APBB2: variants seen among roughly 807,000 people sequenced by gnomAD.
APBB2 encodes the protein Fe65-like 1.
Under a neutral mutation model 82.5 loss-of-function variants are expected in APBB2, and 38 were observed. That is an observed-to-expected ratio of 0.46 (90% CI 0.36 to 0.60). The LOEUF (loss-of-function observed/expected upper bound fraction) is 0.60. Among genes scored for constraint, APBB2 ranks in the 20% least tolerant of loss-of-function variants. The probability of loss-of-function intolerance (pLI) is 0.00; values close to 1 mark genes in which losing one functional copy is unlikely to be tolerated. For missense variants in APBB2, 772 were observed against 972.3 expected, an observed-to-expected ratio of 0.79 and a Z score of 2.74; for synonymous variants, 341 against 368.2, an observed-to-expected ratio of 0.93 and a Z score of 0.85.
At chr4:40,873,911 T>C (rs1766193629) in intron 12 of APBB2, among the ~76,000 whole-genome samples, 1 of 152,220 alleles carries the variant, frequency 6.6e-6, no homozygotes, top group Non-Finnish European at 1.5e-5. Flanking sequence ...CTGTATTTTA[T>C]ACACTCATTG....
intron 3 of APBB2, among the ~76,000 whole-genome samples, chr4:41,089,968 AGCTT>A (rs1053778535): frequency 2.0e-5 from 3 of 152,202 alleles, no homozygotes; most frequent in Non-Finnish European, 4.4e-5. Flanking sequence ...ACGAAACACT[AGCTT>A]GTTTCTTCAA....
chr4:41,175,441 TTTTG>T (rs1167253782), intron 1 of APBB2, among the ~76,000 whole-genome samples: 2 of 152,298 alleles, frequency 1.3e-5, no homozygotes, highest in African/African-American at 2.4e-5. Flanking sequence ...AAGGCTTGTA[TTTTG>T]TTTGTTTGTT....
intron 6 of APBB2, among the ~76,000 whole-genome samples, chr4:40,974,893 A>T (rs1461669610): frequency 6.6e-6 from 1 of 152,240 alleles, no homozygotes; most frequent in Non-Finnish European, 1.5e-5. Flanking sequence ...TCTCTGCTTT[A>T]TTAAAAAAAG....
intron 1 of APBB2, among the ~76,000 whole-genome samples, chr4:41,196,368 G>A: frequency 6.6e-6 from 1 of 152,148 alleles, no homozygotes; most frequent in Non-Finnish European, 1.5e-5. Flanking sequence ...AGCACCTAGT[G>A]GGTACTCAAT....
chr4:41,128,906 C>T (rs887932947), intron 2 of APBB2, among the ~76,000 whole-genome samples: 3 of 152,184 alleles, frequency 2.0e-5, no homozygotes, highest in Non-Finnish European at 4.4e-5. Context: ...TTTCCAGCCC[C>T]TTGCATCCTT....
intron 10 of APBB2, among the ~76,000 whole-genome samples, chr4:40,926,940 G>GGC (rs1782761159): frequency 6.6e-6 from 1 of 152,166 alleles, no homozygotes; most frequent in South Asian, 2.1e-4. Flanking sequence ...CAGAGGGGAG[G>GGC]GCACACACAC....
At chr4:40,844,751 C>T (rs1473661114) in intron 12 of APBB2, among the ~76,000 whole-genome samples, 1 of 152,228 alleles carries the variant, frequency 6.6e-6, no homozygotes, top group Admixed American at 6.5e-5. Flanking sequence ...AGTCACACAA[C>T]CTCCCTAATT....
intron 10 of APBB2, among the ~76,000 whole-genome samples, chr4:40,918,273 C>A (rs1213029303): frequency 6.6e-6 from 1 of 152,220 alleles, no homozygotes; most frequent in East Asian, 1.9e-4. Flanking sequence ...CTCATCTCTA[C>A]AGACATCTTT....
intron 12 of APBB2, among the ~76,000 whole-genome samples, chr4:40,854,790 CAAAAAAAAAAA>C (rs80240731): frequency 8.0e-6 from 1 of 124,822 alleles, no homozygotes; most frequent in Admixed American, 8.1e-5. Context: ...AGTCCATCTC[CAAAAAAAAAAA>C]AAAAAAAAGA....
chr4:41,003,079 A>T (rs533518725), intron 6 of APBB2, among the ~76,000 whole-genome samples: 1 of 152,288 alleles, frequency 6.6e-6, no homozygotes, highest in East Asian at 1.9e-4. Flanking sequence ...CCATACTACT[A>T]AATATTAAGC....
chr4:40,845,243 C>T (rs572151784), intron 12 of APBB2, among the ~76,000 whole-genome samples: 7 of 152,318 alleles, frequency 4.6e-5, no homozygotes, highest in East Asian at 1.9e-4. Context: ...GTGCCAGCAG[C>T]TCCACCAATT....
At chr4:40,840,935 T>C (rs1755589816) in intron 12 of APBB2, among the ~76,000 whole-genome samples, 1 of 152,182 alleles carries the variant, frequency 6.6e-6, no homozygotes, top group Admixed American at 6.5e-5. Context: ...TGGCTGTTAT[T>C]TTACATGAAG....
intron 2 of APBB2, among the ~76,000 whole-genome samples, chr4:41,142,431 C>T (rs1191420819): frequency 6.6e-6 from 1 of 152,182 alleles, no homozygotes; most frequent in African/African-American, 2.4e-5. Flanking sequence ...CAAATGCACA[C>T]ACTGCAGAAA....
At chr4:40,949,952 G>C (rs147090657) in intron 6 of APBB2, among the ~76,000 whole-genome samples, 1 of 152,260 alleles carries the variant, frequency 6.6e-6, no homozygotes, top group Non-Finnish European at 1.5e-5. Context: ...TCCTCTTAGG[G>C]GGTGAGATTC....
intron 12 of APBB2, among the ~76,000 whole-genome samples, chr4:40,830,847 T>C (rs1751616368): frequency 6.6e-6 from 1 of 152,056 alleles, no homozygotes; most frequent in African/African-American, 2.4e-5. Context: ...GGTAAGATGA[T>C]TGTTTGAGGC....
intron 1 of APBB2, among the ~76,000 whole-genome samples, chr4:41,202,619 C>T (rs1561026558): frequency 6.6e-6 from 1 of 152,142 alleles, no homozygotes; most frequent in Non-Finnish European, 1.5e-5. Flanking sequence ...TTTTTTACAA[C>T]TGCATCACAT....
intron 4 of APBB2, among the ~76,000 whole-genome samples, chr4:41,058,608 G>A (rs372102525): frequency 1.3e-5 from 2 of 152,152 alleles, no homozygotes; most frequent in African/African-American, 2.4e-5. Context: ...AGGTAGCCAC[G>A]GATAAGACTA....
intron 1 of APBB2, among the ~76,000 whole-genome samples, chr4:41,168,846 A>C (rs1208283771): frequency 6.6e-6 from 1 of 152,198 alleles, no homozygotes; most frequent in Non-Finnish European, 1.5e-5. Flanking sequence ...TTGCCAGCCC[A>C]CACAAAGGTA....
chr4:41,110,603 C>CAAA (rs33958550), intron 2 of APBB2, among the ~76,000 whole-genome samples: 2 of 111,686 alleles, frequency 1.8e-5, no homozygotes, highest in African/African-American at 3.2e-5. Context: ...GACTCTGTCT[C>CAAA]AAAAAAAAAA....
Sources: gnomAD v4.1 joint callset for allele counts (sites outside exome capture counted in the v4.1 genomes callset) on GRCh38, gnomAD v4.1.1 for gene constraint, MANE v1.5 for transcripts, NCBI Gene and HGNC (gene_info 2026-07-23, HGNC 2026-07-21) for gene names.